Variants in SRRM2 observed in about 807,000 individuals in gnomAD.
SRRM2 encodes serine/arginine repetitive matrix protein 2.
In SRRM2, 30 loss-of-function variants were observed where a neutral mutation model predicts 213.8. That is an observed-to-expected ratio of 0.14 (90% CI 0.10 to 0.19). SRRM2 has a LOEUF of 0.19. Ranked by LOEUF, SRRM2 falls within the 10% of genes least tolerant of loss-of-function variation. SRRM2 has a pLI of 1.00. For missense variants in SRRM2, 4,904 were observed against 3,647.0 expected (o/e 1.34, Z -8.88); for synonymous variants, 2,025 against 1,377.7 (o/e 1.47, Z -10.40).
chr16:2,753,093 C>G (rs1212659564), intron 1 of SRRM2, among the ~76,000 whole-genome samples: 1 of 146,710 alleles, frequency 6.8e-6, no homozygotes, highest in Admixed American at 6.8e-5. Flanking sequence ...TACTCGGGTT[C>G]GCGAGCGCCC....
rs752285761 is a variant in SRRM2, at chr16:2,764,144, C to G, written c.3616C>G (p.Leu1206Val). Residue 1206 changes from leucine to valine, a missense_variant, in exon 11 of 15, where the codon CTT becomes GTT. Physicochemically the swap from Leu to Val is conservative, Grantham distance 32. Transcript: ENST00000301740. ...PESSLVFKDT[L>V]RTPPRERSGA... ...GTCTTCACTGGTATTCAAAGACACA[C>G]TTAGAACCCCGCCAAGGGAAAGAAG... is the stretch of plus-strand genomic sequence containing the variant. The G allele has an allele frequency of 1.2e-6, 2 of 1,614,174 alleles. No individual in the cohort carries two copies. Among genetic ancestry groups the G allele is most frequent in the Middle Eastern group, 1.6e-4 (1 of 6,062 alleles).
chr16:2,761,454 GGTGT>G, intron 10 of SRRM2, 103 bp from the exon 11 acceptor site: 1 of 869,526 alleles, frequency 1.2e-6, no homozygotes. Context: ...GTGGTCAGAG[GGTGT>G]GTAAAAGAAA....
chr16:2,768,039 C>T lies in SRRM2; in HGVS notation c.7511C>T (p.Ser2504Phe), dbSNP rs569371560. The T allele has an allele frequency of 6.2e-7, 1 of 1,614,198 alleles. No homozygotes were observed. Among genetic ancestry groups the T allele is most frequent in the African/African-American group, 1.3e-5 (1 of 75,066 alleles). Residue 2504 changes from serine (S) to phenylalanine (F), a missense_variant, in exon 11 of 15, where the codon TCT becomes TTT. Coordinates refer to ENST00000301740, the MANE Select transcript of SRRM2 (RefSeq NM_016333.4). ...LSVPAPGVPH[S>F]DVGEPPASTG... is the part of the protein sequence containing the mutation. ...GTCCCTGCCCCTGGGGTGCCCCACT[C>T]TGATGTGGGGGAGCCACCTGCCTCT...
Position 2,766,875 on chromosome 16 carries a change from G to A in SRRM2, c.6347G>A (p.Cys2116Tyr). ...GCACTCAACAGTTCCAGAATGAGCT[G>A]CTTCAGTCGTCCTAGCATGTCCCCA... ...PVALNSSRMS[C>Y]FSRPSMSPTP... Residue 2116 changes from cysteine (C) to tyrosine (Y), a missense_variant, in exon 11 of 15, where the codon TGC (cysteine) becomes TAC (tyrosine). By Grantham distance (194) the Cys-to-Tyr change is radical. Coordinates refer to ENST00000301740, the MANE Select transcript of SRRM2 (RefSeq NM_016333.4). This position sits in a 1 kb window ranked among gnomAD's most constrained non-coding sequence, Gnocchi z 7.0. 6.2e-7 allele frequency: 1 copy of A among 1,614,156 alleles called. No individual in the cohort carries two copies. Among genetic ancestry groups the A allele is most frequent in the East Asian group, 2.2e-5 (1 of 44,890 alleles).
chr16:2,762,722 A>G lies in SRRM2; in HGVS notation c.2194A>G (p.Asn732Asp). The change falls in exon 11 of 15, where the codon AAC (asparagine) becomes GAC (aspartate). Residue 732 changes from asparagine to aspartate, a missense_variant. Coordinates refer to ENST00000301740, the MANE Select transcript of SRRM2 (RefSeq NM_016333.4). ...ATCTGGCTCATCTTCAGAGCGGAAA[A>G]ACAAATCCAGAACATCTCAAAGAAG... The part of the protein sequence containing the change: ...GRSGSSSERK[N>D]KSRTSQRRSR... The G allele has an allele frequency of 6.2e-7, 1 of 1,614,160 alleles. No homozygotes were observed. Among genetic ancestry groups the G allele is most frequent in the Non-Finnish European group, 8.5e-7 (1 of 1,180,032 alleles).
rs2150776492 is a variant in SRRM2 at position 2,763,449 on chromosome 16, C to T, written c.2921C>T (p.Ser974Leu). 6.2e-7 allele frequency: 1 copy of T among 1,614,238 alleles called. No individual in the cohort carries two copies. The highest frequency in any genetic ancestry group is 8.5e-7 in the Non-Finnish European group (1 of 1,180,038). ...AGATACAGTCATTCTGGGTCCTCCT[C>T]ACCAGATACCAAAGTGAAACCTGAA... is the stretch of plus-strand genomic sequence containing the variant. The part of the protein sequence containing the change: ...LPRYSHSGSS[S>L]PDTKVKPETP... The change falls in exon 11 of 15, where the codon TCA becomes TTA. Residue 974 changes from serine (S) to leucine (L), a missense_variant. Ser to Leu is a moderately radical substitution (Grantham distance 145). Coordinates refer to ENST00000301740, the MANE Select transcript of SRRM2 (RefSeq NM_016333.4).
rs373236660 is a variant in SRRM2, at chr16:2,768,268, G to A, written c.7733+7G>A. The stretch of plus-strand genomic sequence containing the variant: ...CTGAGGTGGCACTGAAGAGGTGAGG[G>A]AGCTTGACTTTTAGAAATCTTCAGT... On this transcript the variant is annotated splice_region_variant and intron_variant, in intron 11 of 14. Transcript: ENST00000301740. The A allele has an allele frequency of 2.6e-6, 4 of 1,531,400 alleles. No homozygotes were observed. The highest frequency in any genetic ancestry group is 4.4e-5 in the Admixed American group (2 of 45,954). 94.9% of individuals were successfully genotyped at this position (1,531,400 alleles called of 1,614,324 possible).
chr16:2,761,582 C>T lies in SRRM2; in HGVS notation c.1054C>T (p.Pro352Ser), dbSNP rs199498214. ...KKEKSATRPS[P>S]SPERSSTGPE... ...TTAGAAATCTGCAACTCGACCTAGC[C>T]CCTCTCCGGAAAGGAGCAGCACAGG... The change falls in exon 11 of 15, where the codon CCC becomes TCC. Residue 352 changes from proline to serine, a missense_variant. Pro to Ser is a moderately conservative substitution (Grantham distance 74). Coordinates refer to ENST00000301740, the MANE Select transcript of SRRM2 (RefSeq NM_016333.4). The T allele has an allele frequency of 4.0e-6, 6 of 1,514,868 alleles. No homozygotes were observed. The highest frequency in any genetic ancestry group is 5.3e-6 in the Non-Finnish European group (6 of 1,134,040). The allele number at this position is 1,514,868 out of a possible 1,614,324, so 93.8% of individuals were successfully genotyped here. A position where few individuals can be genotyped will look rare whatever the true frequency, so the allele number is the denominator to read the frequency against.
At position 2,757,503 on chromosome 16, in the gene SRRM2, G is replaced by C; in HGVS notation, c.274G>C (p.Ala92Pro). The C allele has an allele frequency of 6.2e-7, 1 of 1,614,084 alleles. No homozygotes were observed. Among genetic ancestry groups the C allele is most frequent in the Non-Finnish European group, 8.5e-7 (1 of 1,180,004 alleles). ...GGAACAGCAAATTCAGGAAAAAGTG[G>C]CGACCTTTCGACTCATGTTGCTGGA... ...YEEQQIQEKV[A>P]TFRLMLLEKD... The change falls in exon 3 of 15, where the codon GCG becomes CCG. Residue 92 changes from alanine (A) to proline (P), a missense_variant. Transcript: ENST00000301740.
chr16:2,761,625 C>A lies in SRRM2; in HGVS notation c.1097C>A (p.Pro366His), dbSNP rs2068352179. ...AGCACAGGCCCAGAACCACCTGCTCCCACTCCGCTCCTTGCTGAGCGACAT... is the reference window on the plus strand; with the variant it reads ...AGCACAGGCCCAGAACCACCTGCTCACACTCCGCTCCTTGCTGAGCGACAT... ...RSSTGPEPPA[P>H]TPLLAERHGG... Residue 366 changes from proline to histidine, a missense_variant, in exon 11 of 15, where the codon CCC (proline) becomes CAC (histidine). Physicochemically the swap from Pro to His is moderately conservative, Grantham distance 77 (BLOSUM62 -2). Coordinates refer to ENST00000301740, the MANE Select transcript of SRRM2 (RefSeq NM_016333.4). The A allele has an allele frequency of 6.4e-7, 1 of 1,560,888 alleles. No homozygotes were observed. The highest frequency in any genetic ancestry group is 8.6e-7 in the Non-Finnish European group (1 of 1,158,138).
Position 2,754,637 on chromosome 16 carries a change from T to C in SRRM2, c.-31-1697T>C, listed in dbSNP as rs183634336. ...GGGGGGATTTTTGTGTGAGGTGGTA[T>C]GGAAGTGTGGGTGAATGGTTAAGCT... On this transcript the variant is annotated intron_variant, in intron 1 of 14. Transcript: ENST00000301740. 1.9e-3 allele frequency among the ~76,000 whole-genome samples: 285 copies of C among 152,202 alleles called. 3 individuals carry two copies. Among genetic ancestry groups the C allele is most frequent in the African/African-American group, 6.5e-3 (271 of 41,514 alleles).
intron 11 of SRRM2, chr16:2,768,705 C>A: frequency 2.9e-6 from 2 of 695,776 alleles, no homozygotes. Context: ...AAGGAGACTA[C>A]CCAGCTTCAG....
At position 2,763,578 on chromosome 16, in the gene SRRM2, C is replaced by G. The variant is rs779957065; in HGVS notation, c.3050C>G (p.Pro1017Arg). 6.2e-7 allele frequency: 1 copy of G among 1,614,160 alleles called. No individual in the cohort carries two copies. Reference sequence around the variant, plus strand: ...CTTTCTGGATCAAAGTCACCATGTCCCCAAGAGAAGTCTAAAGACTCACTA... The same window carrying G: ...CTTTCTGGATCAAAGTCACCATGTCGCCAAGAGAAGTCTAAAGACTCACTA... ...PSLSGSKSPCPQEKSKDSLVQ... is the reference protein window; with the variant it reads ...PSLSGSKSPCRQEKSKDSLVQ... The change falls in exon 11 of 15, where the codon CCC becomes CGC. Residue 1017 changes from proline (P) to arginine (R), a missense_variant. Transcript: ENST00000301740.
chr16:2,760,911 T>G (rs2068321582), intron 10 of SRRM2: 1 of 169,768 alleles, frequency 5.9e-6, no homozygotes, highest in African/African-American at 2.4e-5. Context: ...TTCAGTAGTC[T>G]TCTGTTCCAA....
chr16:2,760,000 G>T, intron 9 of SRRM2: 1 of 542,628 alleles, frequency 1.8e-6, no homozygotes. Context: ...GAAGGAGGTG[G>T]GCTCAGAGGT....
rs1412126637 is a variant in SRRM2, at chr16:2,752,652, C to T, written c.-226C>T. On this transcript the variant is annotated 5_prime_UTR_variant, in exon 1 of 15. Coordinates refer to ENST00000301740, the MANE Select transcript of SRRM2 (RefSeq NM_016333.4). ...CGCAGTTAGTCGTGCTGACGTGCAG[C>T]GCGGCCCAGGCGGGGTGCGAGTGGC... 8 of 246,676 alleles carry T rather than the reference C, an allele frequency of 3.2e-5. No individual in the cohort carries two copies. The highest frequency in any genetic ancestry group is 1.4e-4 in the African/African-American group (6 of 41,992). The allele number at this position is 246,676 out of a possible 1,614,324, so 15.3% of individuals were successfully genotyped here.
intron 12 of SRRM2, chr16:2,769,629 C>G (rs774948410): frequency 3.4e-6 from 2 of 585,518 alleles, no homozygotes; most frequent in Middle Eastern, 5.3e-4. Context: ...TGTCCACAGC[C>G]TCCTCCCTGT....
chr16:2,764,887 T>C lies in SRRM2; in HGVS notation c.4359T>C (p.Thr1453=), dbSNP rs778974460. Residue 1453 remains threonine, a synonymous_variant, in exon 11 of 15, where the codon ACT becomes ACC. Transcript: ENST00000301740. ...CAGGACTTAGAGATGGGTCTGGGAC[T>C]CCCTCGAGGCACAGCCTGTCTGGGT... is the stretch of plus-strand genomic sequence containing the variant. The part of the protein sequence containing the change: ...SSPGLRDGSG[T]PSRHSLSGSS... 9 of 1,614,148 alleles carry C rather than the reference T, an allele frequency of 5.6e-6. No individual in the cohort carries two copies. In the South Asian group the frequency reaches 9.9e-5, roughly 18 times the overall value.
In SRRM2 at chr16:2,763,650, C is replaced by T. The variant is rs770068692; in HGVS notation, c.3122C>T (p.Ser1041Phe). The change falls in exon 11 of 15, where the codon TCT becomes TTT. Residue 1041 changes from serine (S) to phenylalanine (F), a missense_variant. Coordinates refer to ENST00000301740, the MANE Select transcript of SRRM2 (RefSeq NM_016333.4). ...CTCTCTCTCTGTGCAGGAGTAAAATCTAGCACACCACCAGGCGAGAGCTAT... is the reference window on the plus strand; with the variant it reads ...CTCTCTCTCTGTGCAGGAGTAAAATTTAGCACACCACCAGGCGAGAGCTAT... ...GSLSLCAGVK[S>F]STPPGESYFG... 6.2e-6 allele frequency: 10 copies of T among 1,614,050 alleles called. No individual in the cohort carries two copies. The highest frequency in any genetic ancestry group is 1.7e-5 in the Admixed American group (1 of 60,004).
Sources: allele counts gnomAD v4.1 joint callset (sites outside exome capture counted in the v4.1 genomes callset), GRCh38; gene constraint gnomAD v4.1.1; non-coding constraint Gnocchi (gnomAD v3.1); transcripts MANE v1.5; gene names NCBI Gene and HGNC (gene_info 2026-07-23, HGNC 2026-07-21).